Variants in DGKB observed in about 807,000 individuals in gnomAD.
The protein encoded by DGKB is 90 kDa diacylglycerol kinase.
DGKB carries 67 observed loss-of-function variants against 114.3 expected under a neutral mutation model. The observed-to-expected ratio is 0.59, with a 90% confidence interval of 0.48 to 0.72. The LOEUF (loss-of-function observed/expected upper bound fraction) is 0.72, where lower values mean the gene tolerates loss of function less well. Among genes scored for constraint, DGKB ranks in the 30% least tolerant of loss-of-function variants. The pLI is 0.00. For synonymous variants in DGKB, 398 were observed against 323.1 expected, an observed-to-expected ratio of 1.23 and a Z score of -2.49; for missense variants, 907 against 975.2, an observed-to-expected ratio of 0.93 and a Z score of 0.93.
At chr7:14,669,814 G>A (rs1818650234) in intron 13 of DGKB, among the ~76,000 whole-genome samples, 2 of 152,008 alleles carry the variant, frequency 1.3e-5, no homozygotes, top group Admixed American at 6.6e-5. Context: ...GAAATTTTAA[G>A]GAAGCAAACT....
intron 23 of DGKB, among the ~76,000 whole-genome samples, chr7:14,227,570 T>C (rs13241742): frequency 0.23 from 34,611 of 151,920 alleles, 4,016 homozygotes; most frequent in Middle Eastern, 0.33. Context: ...TGGCTTTATC[T>C]TGACAAAATT....
intron 1 of DGKB, among the ~76,000 whole-genome samples, chr7:14,886,684 C>G (rs570326595): frequency 6.6e-6 from 1 of 151,892 alleles, no homozygotes; most frequent in Non-Finnish European, 1.5e-5. Context: ...AATCACTCAC[C>G]TTTATTACCA....
intron 23 of DGKB, among the ~76,000 whole-genome samples, chr7:14,267,209 G>T (rs1343147952): frequency 1.3e-5 from 2 of 152,154 alleles, no homozygotes; most frequent in Non-Finnish European, 2.9e-5. Context: ...CAGATCTTAG[G>T]AGAGTGGCGG....
chr7:14,473,694 A>G (rs1397494540), intron 21 of DGKB, among the ~76,000 whole-genome samples: 2 of 152,210 alleles, frequency 1.3e-5, no homozygotes, highest in African/African-American at 4.8e-5. Flanking sequence ...GCAAAGCCAC[A>G]GGGGCAGAGC....
intron 20 of DGKB, among the ~76,000 whole-genome samples, chr7:14,512,775 T>C (rs116947683): frequency 0.015 from 2,292 of 152,210 alleles, 30 homozygotes; most frequent in Non-Finnish European, 0.022. Context: ...TAACACAGCT[T>C]ATTATTATAC....
At chr7:14,256,574 G>C (rs1367658798) in intron 23 of DGKB, among the ~76,000 whole-genome samples, 2 of 151,964 alleles carry the variant, frequency 1.3e-5, no homozygotes, top group African/African-American at 4.8e-5. Flanking sequence ...AAAATGAAAT[G>C]ATCTGTTTTA....
intron 21 of DGKB, among the ~76,000 whole-genome samples, chr7:14,423,373 A>G (rs777256961): frequency 4.6e-5 from 7 of 152,066 alleles, no homozygotes; most frequent in Non-Finnish European, 7.4e-5. Context: ...TGAAGTTAGC[A>G]ATATTAATTA....
intron 14 of DGKB, among the ~76,000 whole-genome samples, chr7:14,628,339 G>A (rs2128836000): frequency 6.6e-6 from 1 of 150,934 alleles, no homozygotes; most frequent in African/African-American, 2.5e-5. Flanking sequence ...TGTATGAGGA[G>A]TGGTCAAGTT....
chr7:14,409,425 A>AATTGTTTGATATGTACC (rs1583716058), intron 21 of DGKB, among the ~76,000 whole-genome samples: 1 of 66,748 alleles, frequency 1.5e-5, no homozygotes, highest in Admixed American at 1.3e-4. Context: ...GAAAAAGTTG[A>AATTGTTTGATATGTACC]GGCCGGGCGC....
intron 17 of DGKB, among the ~76,000 whole-genome samples, chr7:14,588,196 T>C (rs1801101626): frequency 6.6e-6 from 1 of 152,170 alleles, no homozygotes; most frequent in East Asian, 1.9e-4. Context: ...TTGGTTTCCA[T>C]TATCTATTCC....
At chr7:14,453,491 C>G (rs953884053) in intron 21 of DGKB, among the ~76,000 whole-genome samples, 2 of 152,122 alleles carry the variant, frequency 1.3e-5, no homozygotes, top group Non-Finnish European at 2.9e-5. Flanking sequence ...TCCACCAAGG[C>G]TCAAAATTCC....
At chr7:14,857,187 G>A (rs1015540097) in intron 1 of DGKB, among the ~76,000 whole-genome samples, 7 of 142,132 alleles carry the variant, frequency 4.9e-5, no homozygotes, top group Non-Finnish European at 9.0e-5. Flanking sequence ...GAAGCAGCAA[G>A]GAAGATCTCT....
At chr7:14,667,978 C>G (rs569114195) in intron 13 of DGKB, among the ~76,000 whole-genome samples, 5 of 152,156 alleles carry the variant, frequency 3.3e-5, no homozygotes, top group African/African-American at 1.2e-4. Flanking sequence ...TCCTTGATTT[C>G]TAGTGGATAA....
intron 1 of DGKB, among the ~76,000 whole-genome samples, chr7:14,865,547 T>C (rs1851581638): frequency 6.6e-6 from 1 of 152,362 alleles, no homozygotes; most frequent in Non-Finnish European, 1.5e-5. Context: ...AGTAGTGGCT[T>C]CCTGCTGTTG....
intron 2 of DGKB, among the ~76,000 whole-genome samples, chr7:14,788,934 G>A (rs1029721979): frequency 6.6e-6 from 1 of 152,088 alleles, no homozygotes; most frequent in African/African-American, 2.4e-5. Context: ...CCCCAAAGGT[G>A]GGAGGCAGCA....
At chr7:14,204,082 A>G (rs1474287690) in intron 23 of DGKB, among the ~76,000 whole-genome samples, 1 of 152,152 alleles carries the variant, frequency 6.6e-6, no homozygotes, top group East Asian at 1.9e-4. Context: ...CTCACTGACA[A>G]GCACATTCTT....
chr7:14,785,252 A>G (rs1438355671), intron 2 of DGKB, among the ~76,000 whole-genome samples: 1 of 152,220 alleles, frequency 6.6e-6, no homozygotes, highest in Non-Finnish European at 1.5e-5. Context: ...TAGGCATTTT[A>G]AAATTCTTTT....
At chr7:14,534,724 A>G (rs1792144825) in intron 20 of DGKB, among the ~76,000 whole-genome samples, 1 of 152,190 alleles carries the variant, frequency 6.6e-6, no homozygotes, top group African/African-American at 2.4e-5. Context: ...GAAAAAATAC[A>G]AGAGACAAAA....
At chr7:14,736,542 G>A (rs535142806) in intron 4 of DGKB, among the ~76,000 whole-genome samples, 4 of 152,272 alleles carry the variant, frequency 2.6e-5, no homozygotes, top group Admixed American at 2.0e-4. Context: ...AGTTGTTGCA[G>A]TGATTAAATC....
Sources: allele counts gnomAD v4.1 joint callset (sites outside exome capture counted in the v4.1 genomes callset), GRCh38; gene constraint gnomAD v4.1.1; transcripts MANE v1.5; gene names NCBI Gene and HGNC (gene_info 2026-07-23, HGNC 2026-07-21).